Variants in FAF1 observed in about 807,000 individuals in gnomAD.
The protein encoded by FAF1 is FAS-associated factor 1.
In FAF1, 25 loss-of-function variants were observed where a neutral mutation model predicts 92.5. The observed-to-expected ratio is 0.27, with a 90% CI of 0.20 to 0.38. The LOEUF (loss-of-function observed/expected upper bound fraction) is 0.38, where lower values mean the gene tolerates loss of function less well. Among genes scored for constraint, FAF1 ranks in the 10% least tolerant of loss-of-function variants. The pLI is 1.00. For synonymous variants in FAF1, 234 were observed against 273.2 expected, an observed-to-expected ratio of 0.86 and a Z score of 1.42; for missense variants, 636 against 793.3, an observed-to-expected ratio of 0.80 and a Z score of 2.38.
At chr1:50,603,695 G>A (rs916290042) in intron 8 of FAF1, among the ~76,000 whole-genome samples, 44 of 152,078 alleles carry the variant, frequency 2.9e-4, no homozygotes. Flanking sequence ...TTTGTGGCAG[G>A]TTGAAGCAAG....
At chr1:50,453,535 G>A (rs765676211) in intron 18 of FAF1, among the ~76,000 whole-genome samples, 1 of 152,178 alleles carries the variant, frequency 6.6e-6, no homozygotes, top group Non-Finnish European at 1.5e-5. Context: ...TATCTTAAAT[G>A]TTACCAAGGC....
intron 2 of FAF1, among the ~76,000 whole-genome samples, chr1:50,812,509 C>CA (rs1321873991): frequency 1.3e-5 from 2 of 152,058 alleles, no homozygotes; most frequent in Non-Finnish European, 2.9e-5. Flanking sequence ...AAATGCAAAT[C>CA]AAAACCACAA....
At chr1:50,479,899 C>CA (rs1646680793) in intron 17 of FAF1, among the ~76,000 whole-genome samples, 1 of 151,952 alleles carries the variant, frequency 6.6e-6, no homozygotes, top group Non-Finnish European at 1.5e-5. Flanking sequence ...GTTCTACTGC[C>CA]AAAAAAATAA....
intron 1 of FAF1, among the ~76,000 whole-genome samples, chr1:50,893,539 ACT>A (rs138929786): frequency 4.5e-4 from 65 of 145,814 alleles, no homozygotes; most frequent in East Asian, 6.0e-4. Flanking sequence ...ACAAATGGAG[ACT>A]CTCTCTCTCT....
chr1:50,901,722 G>A (rs940580923), intron 1 of FAF1, among the ~76,000 whole-genome samples: 2 of 151,812 alleles, frequency 1.3e-5, no homozygotes, highest in South Asian at 2.1e-4. Flanking sequence ...AAAATGTGTC[G>A]GGCATGGTGG....
At chr1:50,801,609 T>C in intron 3 of FAF1, 22 bp downstream of exon 3, 1 of 1,404,464 alleles carries the variant, frequency 7.1e-7, no homozygotes, top group Non-Finnish European at 1.0e-6. Context: ...TCATCTTAAC[T>C]GGTAAGCACT....
Position 50,944,782 on chromosome 1 carries a change from A to G in FAF1, c.45+14985T>C, listed in dbSNP as rs181345923. Among the ~76,000 whole-genome samples, 215 of 152,372 alleles carry G rather than the reference A, an allele frequency of 1.4e-3. 2 individuals are homozygous for G. The highest frequency in any genetic ancestry group is 2.2e-3 in the Non-Finnish European group (147 of 68,030). ...TTGGCCTAGCTGCCACATAGAAGAT[A>G]GATACCAACCAGGCTGGCCTTGGGT... On this transcript the variant is annotated intron_variant, in intron 1 of 18. Coordinates refer to ENST00000396153, the MANE Select transcript of FAF1 (RefSeq NM_007051.3).
intron 5 of FAF1, among the ~76,000 whole-genome samples, chr1:50,744,068 CA>C (rs1224933419): frequency 1.7e-4 from 25 of 142,922 alleles, no homozygotes; most frequent in Admixed American, 2.8e-4. Context: ...GAGACTGTCT[CA>C]AAAAAAAAAA....
chr1:50,481,535 GGT>G (rs1646703861), intron 17 of FAF1, among the ~76,000 whole-genome samples: 1 of 152,106 alleles, frequency 6.6e-6, no homozygotes, highest in Non-Finnish European at 1.5e-5. Context: ...TAATAGCCTA[GGT>G]GTGTAGCAGG....
In FAF1 at chr1:50,776,107, C is replaced by T. The variant is rs143993075; in HGVS notation, c.367+11893G>A. ...ATGTCCATAACTATGAAGAATATGA[C>T]TGGAAATATTTTAAAGCTTTATCAC... is the stretch of plus-strand genomic sequence containing the variant. On this transcript the variant is annotated intron_variant, in intron 4 of 18. Coordinates refer to ENST00000396153, the MANE Select transcript of FAF1 (RefSeq NM_007051.3). 7.5e-4 allele frequency among the ~76,000 whole-genome samples: 114 copies of T among 152,186 alleles called. No homozygotes were observed. The East Asian group carries it at 0.019, about 26-fold the overall frequency.
chr1:50,586,506 T>C (rs1040559612), intron 9 of FAF1, among the ~76,000 whole-genome samples: 1 of 152,182 alleles, frequency 6.6e-6, no homozygotes, highest in Admixed American at 6.5e-5. Context: ...ATTTTCCCTC[T>C]CAACTTTAAG....
chr1:50,634,974 T>C (rs1276267171), intron 8 of FAF1, among the ~76,000 whole-genome samples: 3 of 152,180 alleles, frequency 2.0e-5, no homozygotes, highest in Non-Finnish European at 4.4e-5. Context: ...TAAAAATTAG[T>C]CACTTATAAT....
chr1:50,922,997 T>C (rs900258099), intron 1 of FAF1, among the ~76,000 whole-genome samples: 3 of 152,010 alleles, frequency 2.0e-5, no homozygotes, highest in African/African-American at 7.2e-5. Context: ...AACAGCTATA[T>C]ACCAACAAAT....
At chr1:50,582,007 A>G (rs1651009333) in intron 12 of FAF1, among the ~76,000 whole-genome samples, 1 of 146,314 alleles carries the variant, frequency 6.8e-6, no homozygotes, top group Admixed American at 7.0e-5. Context: ...AGACTTCAAG[A>G]TCACAAAGTC....
At chr1:50,664,989 T>C (rs1359741700) in intron 7 of FAF1, among the ~76,000 whole-genome samples, 1 of 152,192 alleles carries the variant, frequency 6.6e-6, no homozygotes, top group Non-Finnish European at 1.5e-5. Context: ...AATGGCTTAG[T>C]AAATAATATG....
At chr1:50,555,494 C>G (rs1223852680) in intron 13 of FAF1, among the ~76,000 whole-genome samples, 1 of 152,100 alleles carries the variant, frequency 6.6e-6, no homozygotes, top group Non-Finnish European at 1.5e-5. Context: ...AAATGGCCAA[C>G]AAACATGAAA....
chr1:50,550,006 A>G (rs185674548), intron 13 of FAF1, among the ~76,000 whole-genome samples: 1 of 152,268 alleles, frequency 6.6e-6, no homozygotes, highest in Admixed American at 6.5e-5. Context: ...ACATTTACAC[A>G]TAATGTCCTC....
At chr1:50,729,204 C>T (rs994539159) in intron 6 of FAF1, among the ~76,000 whole-genome samples, 2 of 150,850 alleles carry the variant, frequency 1.3e-5, no homozygotes, top group Non-Finnish European at 3.0e-5. Flanking sequence ...AACAGGCATG[C>T]GCCACCATAC....
intron 6 of FAF1, among the ~76,000 whole-genome samples, chr1:50,711,008 C>T (rs1657902723): frequency 6.6e-6 from 1 of 151,358 alleles, no homozygotes; most frequent in South Asian, 2.1e-4. Context: ...CTCCCAGGTT[C>T]AAGCAGTTCT....
Sources: gnomAD v4.1 joint callset for allele counts (sites outside exome capture counted in the v4.1 genomes callset) on GRCh38, gnomAD v4.1.1 for gene constraint, MANE v1.5 for transcripts, NCBI Gene and HGNC (gene_info 2026-07-23, HGNC 2026-07-21) for gene names.